The following DLGAP2 variants were observed in gnomAD, a reference collection of about 807,000 sequenced individuals.
DLGAP2 encodes disks large-associated protein 2.
DLGAP2 carries 26 observed loss-of-function variants against 100.3 expected under a neutral mutation model. The observed-to-expected ratio is 0.26, with a 90% confidence interval of 0.19 to 0.36. The LOEUF (loss-of-function observed/expected upper bound fraction) is 0.36. Ranked by LOEUF, DLGAP2 falls within the 10% of genes least tolerant of loss-of-function variation. The pLI is 1.00. For missense variants in DLGAP2, 1,858 were observed against 1,453.2 expected, an observed-to-expected ratio of 1.28 and a Z score of -4.53; for synonymous variants, 886 against 630.1, an observed-to-expected ratio of 1.41 and a Z score of -6.08.
intron 2 of DLGAP2, among the ~76,000 whole-genome samples, chr8:1,175,386 G>T (rs940291602): frequency 1.3e-5 from 2 of 152,170 alleles, no homozygotes; most frequent in African/African-American, 4.8e-5. Context: ...AATATCATTA[G>T]CTGTAAAAAT....
chr8:1,338,453 C>T (rs1392781009), intron 3 of DLGAP2, among the ~76,000 whole-genome samples: 1 of 152,150 alleles, frequency 6.6e-6, no homozygotes, highest in Non-Finnish European at 1.5e-5. Context: ...TCTGTAGAGA[C>T]AGAAACTAAA....
chr8:1,561,412 A>G (rs533573216), intron 5 of DLGAP2, among the ~76,000 whole-genome samples: 1 of 152,182 alleles, frequency 6.6e-6, no homozygotes, highest in African/African-American at 2.4e-5. Flanking sequence ...CCGGCTGGAG[A>G]GCACCACAGA....
chr8:1,094,692 G>T lies in DLGAP2; in HGVS notation c.74-164159G>T, dbSNP rs549472511. ...CCTCTGTTTTGTGTCTTTATTGACC[G>T]TGCAGCGGGCACAAGAGTGGCTGGA... On this transcript the variant is annotated intron_variant, in intron 2 of 14. Transcript: ENST00000637795. 2.6e-5 allele frequency among the ~76,000 whole-genome samples: 4 copies of T among 152,278 alleles called. No homozygotes were observed. The East Asian group carries it at 7.7e-4, about 29-fold the overall frequency.
intron 1 of DLGAP2, among the ~76,000 whole-genome samples, chr8:892,139 G>C (rs1798047551): frequency 6.6e-6 from 1 of 152,188 alleles, no homozygotes; most frequent in African/African-American, 2.4e-5. Context: ...GGAAAATGGT[G>C]TATGGAGATT....
chr8:1,483,320 G>A (rs945476587), intron 3 of DLGAP2, among the ~76,000 whole-genome samples: 17 of 152,210 alleles, frequency 1.1e-4, no homozygotes, highest in African/African-American at 3.1e-4. Context: ...TGAGCGTGGC[G>A]GGCAGAGACT....
chr8:882,954 G>A (rs905423), intron 1 of DLGAP2, among the ~76,000 whole-genome samples: 3 of 152,074 alleles, frequency 2.0e-5, no homozygotes, highest in Admixed American at 1.3e-4. Flanking sequence ...ATTAATGTCA[G>A]AAGTTGAGTT....
chr8:947,173 A>T (rs940029324), intron 2 of DLGAP2, among the ~76,000 whole-genome samples: 37 of 152,280 alleles, frequency 2.4e-4, no homozygotes, highest in Middle Eastern at 3.4e-3. Flanking sequence ...CATGCTTTAC[A>T]GTTGTTCTTA....
At chr8:1,178,525 A>C (rs764890310) in intron 2 of DLGAP2, among the ~76,000 whole-genome samples, 1 of 152,198 alleles carries the variant, frequency 6.6e-6, no homozygotes, top group Non-Finnish European at 1.5e-5. Flanking sequence ...CAAACACAGC[A>C]CTTGGTTTCA....
intron 3 of DLGAP2, among the ~76,000 whole-genome samples, chr8:1,412,132 C>T (rs1796748923): frequency 6.6e-6 from 1 of 152,224 alleles, no homozygotes; most frequent in South Asian, 2.1e-4. Flanking sequence ...CTGCATCTCC[C>T]TCCTCCTCAC....
At chr8:1,187,037 C>A (rs1252882304) in intron 2 of DLGAP2, among the ~76,000 whole-genome samples, 1 of 150,828 alleles carries the variant, frequency 6.6e-6, no homozygotes, top group Non-Finnish European at 1.5e-5. Flanking sequence ...GTGGGCCTTT[C>A]CCAGGCCCCA....
intron 5 of DLGAP2, among the ~76,000 whole-genome samples, chr8:1,557,174 A>G (rs573357618): frequency 2.0e-5 from 3 of 152,292 alleles, no homozygotes; most frequent in African/African-American, 4.8e-5. Context: ...ATGTCACCAA[A>G]TGTCCCCTGG....
intron 2 of DLGAP2, among the ~76,000 whole-genome samples, chr8:1,024,134 C>T (rs1292132699): frequency 6.6e-6 from 1 of 150,576 alleles, no homozygotes; most frequent in African/African-American, 2.4e-5. Context: ...AGTGGACAGT[C>T]CCATGCCAAG....
rs570210993 is a variant in DLGAP2 at position 807,196 on chromosome 8, G to A, written c.18+69371G>A. Among the ~76,000 whole-genome samples the A allele has an allele frequency of 6.6e-5, 10 of 152,292 alleles. No individual in the cohort carries two copies. In the South Asian group the frequency reaches 2.1e-3, roughly 32 times the overall value. ...ATCCTAAACTCCGAGTTCTTCTCTG[G>A]TGTGATGCAAAGGTACTCGTTCTCA... On this transcript the variant is annotated intron_variant, in intron 1 of 14. Coordinates refer to ENST00000637795, the MANE Select transcript of DLGAP2 (RefSeq NM_001346810.2).
At chr8:948,462 A>G (rs1799388422) in intron 2 of DLGAP2, among the ~76,000 whole-genome samples, 1 of 152,190 alleles carries the variant, frequency 6.6e-6, no homozygotes, top group South Asian at 2.1e-4. Flanking sequence ...CCCGGCCTCC[A>G]TCTCTCCCAC....
intron 2 of DLGAP2, among the ~76,000 whole-genome samples, chr8:1,085,747 T>G (rs1803954289): frequency 6.6e-6 from 1 of 152,238 alleles, no homozygotes; most frequent in African/African-American, 2.4e-5. Context: ...TCTTATATAT[T>G]TGAGGTTTTT....
chr8:1,687,156 T>C (rs1236405202), intron 12 of DLGAP2, among the ~76,000 whole-genome samples: 2 of 152,192 alleles, frequency 1.3e-5, no homozygotes, highest in Non-Finnish European at 2.9e-5. Context: ...GGGTTACAAA[T>C]ACTCAAATGA....
chr8:1,524,040 G>A (rs973439743), intron 4 of DLGAP2, among the ~76,000 whole-genome samples: 5 of 152,202 alleles, frequency 3.3e-5, no homozygotes, highest in African/African-American at 7.2e-5. Flanking sequence ...TTCCAAAGAC[G>A]TTTCTGATCT....
chr8:1,667,832 G>T (rs1259052634), intron 8 of DLGAP2, among the ~76,000 whole-genome samples: 5 of 152,196 alleles, frequency 3.3e-5, no homozygotes, highest in Admixed American at 2.6e-4. Context: ...GCGCTGTCCT[G>T]CGGGGACACA....
chr8:799,735 C>A (rs1266327536), intron 1 of DLGAP2, among the ~76,000 whole-genome samples: 2 of 152,084 alleles, frequency 1.3e-5, no homozygotes, highest in Admixed American at 1.3e-4. Context: ...TAGCTGGGAC[C>A]ATGGGTGCAC....
Sources: allele counts gnomAD v4.1 joint callset (sites outside exome capture counted in the v4.1 genomes callset), GRCh38; gene constraint gnomAD v4.1.1; transcripts MANE v1.5; gene names NCBI Gene and HGNC (gene_info 2026-07-23, HGNC 2026-07-21).